FNBP1: variants seen among roughly 807,000 people sequenced by gnomAD.
FNBP1 encodes formin binding protein 1.
FNBP1 carries 26 observed loss-of-function variants against 90.6 expected under a neutral mutation model. The observed-to-expected ratio is 0.29, with a 90% CI of 0.21 to 0.40. The LOEUF is 0.40. Ranked by LOEUF, FNBP1 falls within the 10% of genes least tolerant of loss-of-function variation. The pLI, the probability that FNBP1 is intolerant of heterozygous loss-of-function variation, is 1.00. For synonymous variants in FNBP1, 260 were observed against 265.2 expected, an observed-to-expected ratio of 0.98 and a Z score of 0.19; for missense variants, 635 against 768.0, an observed-to-expected ratio of 0.83 and a Z score of 2.05.
At chr9:130,003,840 C>T (rs1253545021) in intron 1 of FNBP1, among the ~76,000 whole-genome samples, 2 of 141,826 alleles carry the variant, frequency 1.4e-5, no homozygotes, top group South Asian at 2.3e-4. Flanking sequence ...AGGAGAATGG[C>T]GTGAACCCGG....
intron 1 of FNBP1, among the ~76,000 whole-genome samples, chr9:130,026,965 CAAAAA>C (rs765168982): frequency 1.3e-5 from 1 of 76,096 alleles, no homozygotes. Flanking sequence ...GACCCTGTCT[CAAAAA>C]AAAAAAAAAA....
At chr9:129,925,561 T>A (rs1402596722) in intron 8 of FNBP1, among the ~76,000 whole-genome samples, 1 of 149,896 alleles carries the variant, frequency 6.7e-6, no homozygotes, top group Non-Finnish European at 1.5e-5. Context: ...GAAATTGTAC[T>A]GATTGATAAT....
chr9:130,023,480 A>T (rs1278860397), intron 1 of FNBP1, among the ~76,000 whole-genome samples: 1 of 152,216 alleles, frequency 6.6e-6, no homozygotes, highest in Non-Finnish European at 1.5e-5. Context: ...GCCAAGGGCA[A>T]GGCAGAGCTG....
chr9:129,958,985 C>CTAAAAAAAAAAAAAAAAA (rs2047365015), intron 4 of FNBP1, among the ~76,000 whole-genome samples: 1 of 9,154 alleles, frequency 1.1e-4, no homozygotes, highest in African/African-American at 4.0e-4. Flanking sequence ...AACTCTGCCT[C>CTAAAAAAAAAAAAAAAAA]AAAAAAAAAA....
chr9:129,989,375 T>TA (rs2052767906), intron 2 of FNBP1, among the ~76,000 whole-genome samples: 2 of 152,206 alleles, frequency 1.3e-5, no homozygotes, highest in Admixed American at 6.5e-5. Flanking sequence ...TTTTTGTTGT[T>TA]AAAATCTCAT....
At position 130,004,244 on chromosome 9, in the gene FNBP1, T is replaced by A. The variant is rs141369970; in HGVS notation, c.25-9286A>T. On this transcript the variant is annotated intron_variant, in intron 1 of 16. Coordinates refer to ENST00000446176, the MANE Select transcript of FNBP1 (RefSeq NM_015033.3). ...CGCCACTGTACTCCAGCCTGGGTGA[T>A]AGGGCAAGACTCCATCTCGAAAAAA... Among the ~76,000 whole-genome samples the A allele has an allele frequency of 2.0e-5, 3 of 150,368 alleles. No individual in the cohort carries two copies. In the East Asian group the frequency reaches 5.9e-4, roughly 30 times the overall value.
the FNBP1 span, among the ~76,000 whole-genome samples, chr9:130,049,137 C>T: frequency 6.6e-6 from 1 of 152,034 alleles, no homozygotes; most frequent in Non-Finnish European, 1.5e-5. Context: ...GCCTGTAATC[C>T]CAACACTTTG....
intron 10 of FNBP1, among the ~76,000 whole-genome samples, chr9:129,923,505 G>A (rs2041415242): frequency 6.6e-6 from 1 of 151,394 alleles, no homozygotes; most frequent in Non-Finnish European, 1.5e-5. Context: ...CTTAAACCCG[G>A]GAGGTGGAGG....
intron 16 of FNBP1, among the ~76,000 whole-genome samples, chr9:129,893,020 T>C (rs1044301052): frequency 2.6e-5 from 4 of 152,202 alleles, no homozygotes; most frequent in African/African-American, 9.7e-5. Flanking sequence ...AAGCAGACTT[T>C]CACAAGGTTA....
upstream of FNBP1, chr9:130,045,057 AC>A (rs2060050852): frequency 6.6e-6 from 1 of 152,224 alleles, no homozygotes; most frequent in African/African-American, 2.4e-5. Context: ...TTGGGCAGTT[AC>A]AATAAATTTA....
chr9:129,907,252 T>C (rs1282013754), intron 12 of FNBP1, among the ~76,000 whole-genome samples: 1 of 152,218 alleles, frequency 6.6e-6, no homozygotes, highest in Non-Finnish European at 1.5e-5. Flanking sequence ...CATTGCTTTG[T>C]GTATTGGGTT....
At position 129,906,787 on chromosome 9, in the gene FNBP1, C is replaced by T. The variant is rs372985824; in HGVS notation, c.1295+2103G>A. 1.0e-4 allele frequency among the ~76,000 whole-genome samples: 15 copies of T among 147,874 alleles called. No homozygotes were observed. In the East Asian group the frequency reaches 2.7e-3, roughly 27 times the overall value. On this transcript the variant is annotated intron_variant, in intron 12 of 16. Coordinates refer to ENST00000446176, the MANE Select transcript of FNBP1 (RefSeq NM_015033.3). ...AAGTCTTCTATACTAACTTTGAGCACTTTTTTTTTTTGAGACAGAGTCTCG... is the reference window on the plus strand; with the variant it reads ...AAGTCTTCTATACTAACTTTGAGCATTTTTTTTTTTTGAGACAGAGTCTCG...
At chr9:130,000,939 T>C (rs2131431176) in intron 1 of FNBP1, among the ~76,000 whole-genome samples, 1 of 152,338 alleles carries the variant, frequency 6.6e-6, no homozygotes, top group Middle Eastern at 3.4e-3. Flanking sequence ...CTATACACAC[T>C]ATTAAAAAGA....
chr9:129,927,431 C>G, intron 7 of FNBP1, 90 bp from the exon 8 acceptor site: 1 of 1,276,238 alleles, frequency 7.8e-7, no homozygotes. Context: ...CTAACAAGTT[C>G]TCTTTGAGGA....
intron 12 of FNBP1, among the ~76,000 whole-genome samples, chr9:129,908,170 G>C (rs1430924422): frequency 7.2e-6 from 1 of 139,544 alleles, no homozygotes; most frequent in Non-Finnish European, 1.6e-5. Flanking sequence ...GTAGAGATGG[G>C]GTCTCACTAT....
chr9:130,021,442 T>C (rs988263010), intron 1 of FNBP1, among the ~76,000 whole-genome samples: 3 of 152,198 alleles, frequency 2.0e-5, no homozygotes. Context: ...TCAGCTTACT[T>C]CTCCCACGTG....
In FNBP1 at chr9:129,890,344, CCCCCACGAGGTGG is replaced by C; in HGVS notation, c.*182_*194del. The C allele has an allele frequency of 1.7e-6, 1 of 603,864 alleles. No individual in the cohort carries two copies. The highest frequency in any genetic ancestry group is 1.9e-5 in the African/African-American group (1 of 53,566). 37.4% of individuals were successfully genotyped at this position (603,864 alleles called of 1,614,324 possible). ...GGGGGTGGGCGCTGGCGAGACTTGT[CCCCCACGAGGTGG>C]CCCGGGCTGGGCGGGAGGGCAGGGC... On this transcript the variant is annotated 3_prime_UTR_variant, in exon 17 of 17. Coordinates refer to ENST00000446176, the MANE Select transcript of FNBP1 (RefSeq NM_015033.3). This position sits in a 1 kb window ranked among gnomAD's most constrained non-coding sequence, Gnocchi z 5.8.
At chr9:129,999,598 CAA>C (rs58536126) in intron 1 of FNBP1, among the ~76,000 whole-genome samples, 1 of 108,638 alleles carries the variant, frequency 9.2e-6, no homozygotes, top group Non-Finnish European at 2.0e-5. Flanking sequence ...GACTCTGTCT[CAA>C]AAAAAAAAAA....
chr9:130,013,931 T>C, intron 1 of FNBP1: 1 of 450,754 alleles, frequency 2.2e-6, no homozygotes, highest in South Asian at 1.6e-5. Flanking sequence ...CTTTCCAACC[T>C]CTAGATTCAT....
Sources: gnomAD v4.1 joint callset for allele counts (sites outside exome capture counted in the v4.1 genomes callset) on GRCh38, gnomAD v4.1.1 for gene constraint, Gnocchi (gnomAD v3.1) non-coding constraint, MANE v1.5 for transcripts, NCBI Gene and HGNC (gene_info 2026-07-23, HGNC 2026-07-21) for gene names.